Variants in PIWIL3 observed in about 807,000 individuals in gnomAD.
PIWIL3 encodes piwi-like protein 3.
A neutral mutation model predicts 109.7 loss-of-function variants in PIWIL3; 101 were observed. That is an observed-to-expected ratio of 0.92 (90% CI 0.78 to 1.09). The LOEUF (loss-of-function observed/expected upper bound fraction) is 1.09. Among genes scored for constraint, PIWIL3 ranks in the 50% least tolerant of loss-of-function variants. The pLI is 0.00. For missense variants in PIWIL3, 1,031 were observed against 1,072.6 expected, an observed-to-expected ratio of 0.96 and a Z score of 0.54; for synonymous variants, 373 against 376.4, an observed-to-expected ratio of 0.99 and a Z score of 0.10.
Position 24,751,284 on chromosome 22 carries a change from A to C in PIWIL3, c.1089+103T>G, listed in dbSNP as rs1007699304. 5 of 1,205,314 alleles carry C rather than the reference A, an allele frequency of 4.1e-6. No homozygotes were observed. In the South Asian group the frequency reaches 7.6e-5, roughly 18 times the overall value. The allele number at this position is 1,205,314 out of a possible 1,614,324, so 74.7% of individuals were successfully genotyped here. A position where few individuals can be genotyped will look rare whatever the true frequency, so the allele number is the denominator to read the frequency against. The stretch of plus-strand genomic sequence containing the variant: ...AGCTATAATCCCCTAAAAGGAAAAT[A>C]TGTATGTTTATATGACAAATATGTT... On this transcript the variant is annotated intron_variant, in intron 9 of 20. Transcript: ENST00000616349.
intron 19 of PIWIL3, among the ~76,000 whole-genome samples, chr22:24,722,722 G>A (rs131473): frequency 0.35 from 52,990 of 151,760 alleles, 9,795 homozygotes; most frequent in Admixed American, 0.48. Flanking sequence ...CCATCAAATA[G>A]ATAGATAGAT....
chr22:24,761,963 T>C, intron 2 of PIWIL3: 19 of 988,450 alleles, frequency 1.9e-5, no homozygotes, highest in Non-Finnish European at 2.3e-5. Context: ...CTATGGATCC[T>C]GCTGTGTGAA....
intron 1 of PIWIL3, among the ~76,000 whole-genome samples, chr22:24,768,853 G>A (rs563304913): frequency 1.1e-4 from 17 of 152,314 alleles, no homozygotes. Context: ...AGCCTGGAAT[G>A]TTTATGTGAA....
chr22:24,735,519 C>A (rs1923605484), intron 13 of PIWIL3, among the ~76,000 whole-genome samples, 189 bp downstream of exon 13: 2 of 152,186 alleles, frequency 1.3e-5, no homozygotes, highest in South Asian at 4.1e-4. Flanking sequence ...ATACCTTCTA[C>A]AACATGTATC....
intron 2 of PIWIL3, 145 bp downstream of exon 2, chr22:24,762,253 T>C: frequency 3.0e-5 from 40 of 1,340,590 alleles, no homozygotes; most frequent in Non-Finnish European, 3.9e-5. Flanking sequence ...TGCTGCCATC[T>C]ATACAGCCTG....
chr22:24,765,019 G>T (rs1949135109), intron 1 of PIWIL3, among the ~76,000 whole-genome samples: 1 of 152,040 alleles, frequency 6.6e-6, no homozygotes, highest in Middle Eastern at 3.2e-3. Flanking sequence ...ATAACATAAG[G>T]GAGAGCTGAG....
At position 24,749,807 on chromosome 22, in the gene PIWIL3, T is replaced by C. The variant is rs1924597482; in HGVS notation, c.1102A>G (p.Ile368Val). The C allele has an allele frequency of 1.2e-6, 2 of 1,612,134 alleles. No homozygotes were observed. The highest frequency in any genetic ancestry group is 2.7e-5 in the African/African-American group (2 of 74,648). Residue 368 changes from isoleucine to valine, a missense_variant, in exon 10 of 21, where the codon ATT becomes GTT. Physicochemically the swap from Ile to Val is conservative, Grantham distance 29. Transcript: ENST00000616349. ...AGTGGCTGTTTCTTCACTGTGACAA[T>C]TTCTTTATGTTGCTGCTCAACAAAC... ...IDYYRQQHKEIVTVKKQPLLV... is the reference protein window; with the variant it reads ...IDYYRQQHKEVVTVKKQPLLV...
At position 24,724,966 on chromosome 22, in the gene PIWIL3, C is replaced by T. The variant is rs759800516; in HGVS notation, c.2152G>A (p.Gly718Arg). ...AGCAATGCTTGAAGCTGACCATCTC[C>T]CACTCCATCCCGATACACAATAACA... ...HSVIVYRDGV[G>R]DGQLQALLDH... The change falls in exon 18 of 21, where the codon GGA (glycine) becomes AGA (arginine). Residue 718 changes from glycine (G) to arginine (R), a missense_variant. Physicochemically the swap from Gly to Arg is moderately radical, Grantham distance 125 (BLOSUM62 -2). Coordinates refer to ENST00000616349, the MANE Select transcript of PIWIL3 (RefSeq NM_001255975.1). The T allele has an allele frequency of 1.9e-5, 31 of 1,614,046 alleles. No individual in the cohort carries two copies. In the Admixed American group the frequency reaches 4.3e-4, roughly 23 times the overall value.
intron 16 of PIWIL3, among the ~76,000 whole-genome samples, chr22:24,725,923 G>T (rs1922968072): frequency 1.3e-5 from 2 of 152,124 alleles, no homozygotes; most frequent in Admixed American, 1.3e-4. Context: ...GGTGGCAGCT[G>T]TTGACACAAC....
At position 24,728,349 on chromosome 22, in the gene PIWIL3, T is replaced by A; in HGVS notation, c.1733A>T (p.Asp578Val). 5 of 1,614,178 alleles carry A rather than the reference T, an allele frequency of 3.1e-6. No homozygotes were observed. Among genetic ancestry groups the A allele is most frequent in the Non-Finnish European group, 4.2e-6 (5 of 1,180,028 alleles). ...TTTTATGCTGTCATATCTACGTTTG[T>A]CATCATTGGGCAGGATACAAATCAC... is the stretch of plus-strand genomic sequence containing the variant. The part of the protein sequence containing the change: ...QMVICILPND[D>V]KRRYDSIKRY... Residue 578 changes from aspartate to valine, a missense_variant, in exon 15 of 21, where the codon GAC becomes GTC. Transcript: ENST00000616349.
At position 24,758,006 on chromosome 22, in the gene PIWIL3, T is replaced by A. The variant is rs142994368; in HGVS notation, c.257A>T (p.His86Leu). 1.5e-5 allele frequency: 25 copies of A among 1,613,774 alleles called. No homozygotes were observed. The Middle Eastern group carries it at 4.9e-4, about 32-fold the overall frequency. Residue 86 changes from histidine to leucine, a missense_variant, in exon 4 of 21, where the codon CAT becomes CTT. Coordinates refer to ENST00000616349, the MANE Select transcript of PIWIL3 (RefSeq NM_001255975.1). Reference sequence around the variant, plus strand: ...CCTTCTCTCCTGCAAGGGCGCTGTATGCAACCCAGCCTCAGGTCCAGGTTC... The same window carrying A: ...CCTTCTCTCCTGCAAGGGCGCTGTAAGCAACCCAGCCTCAGGTCCAGGTTC... ...VKEPGPEAGL[H>L]TAPLQERRIG...
intron 13 of PIWIL3, among the ~76,000 whole-genome samples, chr22:24,735,003 G>C (rs991024879): frequency 6.6e-6 from 1 of 151,826 alleles, no homozygotes; most frequent in South Asian, 2.1e-4. Context: ...AGTCTAACTA[G>C]ATGACATTCT....
rs1924569847 is a variant in PIWIL3 at position 24,749,435 on chromosome 22, T to A, written c.1303A>T (p.Thr435Ser). ...TRLSPRRRHHTLKEFINTLQD... is the reference protein window; with the variant it reads ...TRLSPRRRHHSLKEFINTLQD... Reference sequence around the variant, plus strand: ...AGAGTATTGATGAATTCTTTTAATGTATGATGCCTTCTTCTTGGACTCAAT... The same window carrying A: ...AGAGTATTGATGAATTCTTTTAATGAATGATGCCTTCTTCTTGGACTCAAT... The change falls in exon 11 of 21, where the codon ACA becomes TCA. Residue 435 changes from threonine to serine, a missense_variant. Coordinates refer to ENST00000616349, the MANE Select transcript of PIWIL3 (RefSeq NM_001255975.1). 6.2e-7 allele frequency: 1 copy of A among 1,613,976 alleles called. No individual in the cohort carries two copies.
Position 24,751,300 on chromosome 22 carries a change from CA to C in PIWIL3, c.1089+86del. 4 of 1,317,838 alleles carry C rather than the reference CA, an allele frequency of 3.0e-6. No individual in the cohort carries two copies. The East Asian group carries it at 9.4e-5, about 31-fold the overall frequency. The allele number at this position is 1,317,838 out of a possible 1,614,324, so 81.6% of individuals were successfully genotyped here. ...AAGGAAAATATGTATGTTTATATGA[CA>C]AATATGTTCAAGTAGCTAAATAACA... On this transcript the variant is annotated intron_variant, in intron 9 of 20. Transcript: ENST00000616349.
chr22:24,725,088 C>G, intron 17 of PIWIL3, 51 bp from the exon 18 acceptor site: 1 of 1,598,424 alleles, frequency 6.3e-7, no homozygotes, highest in Non-Finnish European at 8.5e-7. Context: ...AACAAACTAG[C>G]CTTTGCTGCT....
At chr22:24,772,201 A>G (rs1239754291) in intron 1 of PIWIL3, among the ~76,000 whole-genome samples, 1 of 152,258 alleles carries the variant, frequency 6.6e-6, no homozygotes, top group Non-Finnish European at 1.5e-5. Flanking sequence ...TAGATTTGAT[A>G]ATCATATTAA....
intron 1 of PIWIL3, among the ~76,000 whole-genome samples, chr22:24,768,818 A>G (rs1020895903): frequency 1.3e-5 from 2 of 152,210 alleles, no homozygotes; most frequent in African/African-American, 4.8e-5. Flanking sequence ...AACAAACTTT[A>G]TTCTCAAGGA....
At chr22:24,766,842 ACT>A (rs1925825746) in intron 1 of PIWIL3, among the ~76,000 whole-genome samples, 1 of 151,878 alleles carries the variant, frequency 6.6e-6, no homozygotes, top group Admixed American at 6.6e-5. Flanking sequence ...TCAGTTGTGC[ACT>A]GTTGGCCAGG....
chr22:24,757,129 G>C (rs1229415973), intron 4 of PIWIL3, among the ~76,000 whole-genome samples: 2 of 147,782 alleles, frequency 1.4e-5, no homozygotes, highest in Non-Finnish European at 3.0e-5. Flanking sequence ...CCAAAGTTAG[G>C]TCAGACAAGG....
Sources: gnomAD v4.1 joint callset for allele counts (sites outside exome capture counted in the v4.1 genomes callset) on GRCh38, gnomAD v4.1.1 for gene constraint, MANE v1.5 for transcripts, NCBI Gene and HGNC (gene_info 2026-07-23, HGNC 2026-07-21) for gene names.